Variants in OR2L13 observed in about 807,000 individuals in gnomAD.
OR2L13 encodes the protein olfactory receptor 2L13.
In OR2L13, 14 loss-of-function variants were observed where a neutral mutation model predicts 15.3. The observed-to-expected ratio is 0.91, with a 90% CI of 0.60 to 1.43. OR2L13 has a LOEUF of 1.43. Ranked by LOEUF, OR2L13 falls within the 40% of genes most tolerant of loss-of-function variation. The probability of loss-of-function intolerance (pLI) is 0.00; values close to 1 mark genes in which losing one functional copy is unlikely to be tolerated. For synonymous variants in OR2L13, 152 were observed against 142.9 expected (o/e 1.06, Z -0.45); for missense variants, 367 against 387.9 (o/e 0.95, Z 0.45).
At chr1:247,965,496 A>G in the OR2L13 span, 3 of 1,613,648 alleles carry the variant, frequency 1.9e-6, no homozygotes, top group Non-Finnish European at 2.5e-6. Flanking sequence ...TTGCTCTGAC[A>G]GGAAATATCA....
chr1:247,942,521 C>A, the OR2L13 span, among the ~76,000 whole-genome samples: 4 of 151,944 alleles, frequency 2.6e-5, no homozygotes, highest in East Asian at 7.7e-4. Context: ...TAGTCTTAAT[C>A]CCAGTCTCTT....
chr1:248,000,457 A>G, the OR2L13 span, among the ~76,000 whole-genome samples: 1 of 152,182 alleles, frequency 6.6e-6, no homozygotes, highest in Admixed American at 6.5e-5. Context: ...TCACTAAATT[A>G]GAGTACTTTC....
chr1:247,963,827 A>AT, the OR2L13 span, among the ~76,000 whole-genome samples: 1 of 152,090 alleles, frequency 6.6e-6, no homozygotes, highest in South Asian at 2.1e-4. Flanking sequence ...ACCATATATT[A>AT]TTTTTATTAA....
the OR2L13 span, among the ~76,000 whole-genome samples, chr1:247,986,937 G>A: frequency 3.7e-4 from 56 of 152,154 alleles, no homozygotes; most frequent in Middle Eastern, 6.8e-3. Context: ...ATAAATACAG[G>A]ATATATTTCC....
the OR2L13 span, among the ~76,000 whole-genome samples, chr1:248,059,041 C>G: frequency 6.6e-6 from 1 of 152,190 alleles, no homozygotes; most frequent in Non-Finnish European, 1.5e-5. Flanking sequence ...CGTAACATAT[C>G]ATACATCTCT....
the OR2L13 span, chr1:248,022,871 C>T: frequency 7.5e-6 from 12 of 1,607,044 alleles, no homozygotes; most frequent in East Asian, 8.9e-5. Context: ...AGAATATCTT[C>T]TCGGTGAAAA....
chr1:248,004,435 G>T, the OR2L13 span, among the ~76,000 whole-genome samples: 2 of 151,998 alleles, frequency 1.3e-5, no homozygotes, highest in Non-Finnish European at 2.9e-5. Context: ...TTACATTTTT[G>T]TTTATGTCTA....
chr1:248,025,308 C>T, the OR2L13 span, among the ~76,000 whole-genome samples: 2 of 147,408 alleles, frequency 1.4e-5, no homozygotes, highest in Non-Finnish European at 3.0e-5. Flanking sequence ...AGACACTTCT[C>T]AAAAGAAGAC....
chr1:247,950,275 A>C, the OR2L13 span, among the ~76,000 whole-genome samples: 1 of 152,128 alleles, frequency 6.6e-6, no homozygotes, highest in African/African-American at 2.4e-5. Flanking sequence ...CTTTCAATTT[A>C]GGGGGACTTA....
At chr1:247,953,677 T>C in the OR2L13 span, among the ~76,000 whole-genome samples, 1 of 152,326 alleles carries the variant, frequency 6.6e-6, no homozygotes, top group African/African-American at 2.4e-5. Context: ...GAAGAGGTTA[T>C]CTGACCTGTC....
the OR2L13 span, among the ~76,000 whole-genome samples, chr1:247,955,726 G>A: frequency 6.8e-6 from 1 of 147,858 alleles, no homozygotes; most frequent in Non-Finnish European, 1.5e-5. Context: ...TTTTCTTTTG[G>A]CTGCATAAAT....
the OR2L13 span, among the ~76,000 whole-genome samples, chr1:247,938,748 C>T: frequency 6.6e-6 from 1 of 152,062 alleles, no homozygotes; most frequent in Non-Finnish European, 1.5e-5. Flanking sequence ...GTAAAGCATA[C>T]TTGGATGAAA....
chr1:248,038,744 A>G, the OR2L13 span: 34 of 1,614,074 alleles, frequency 2.1e-5, 1 homozygote, highest in East Asian at 7.1e-4. Flanking sequence ...GTGCTCACAC[A>G]GTATATGCAC....
the OR2L13 span, among the ~76,000 whole-genome samples, chr1:248,071,122 T>C: frequency 2.0e-5 from 3 of 152,152 alleles, no homozygotes; most frequent in Non-Finnish European, 2.9e-5. Flanking sequence ...CCTAACTCAT[T>C]TTATGAGGCC....
the OR2L13 span, among the ~76,000 whole-genome samples, chr1:248,002,273 G>A: frequency 1.1e-4 from 17 of 152,236 alleles, 1 homozygote; most frequent in South Asian, 2.1e-3. Flanking sequence ...ATATACATAA[G>A]AGAAACACCA....
At chr1:248,088,198 T>C in the OR2L13 span, among the ~76,000 whole-genome samples, 4 of 152,100 alleles carry the variant, frequency 2.6e-5, no homozygotes, top group Admixed American at 6.5e-5. Context: ...TTCTTAAAGG[T>C]TGAGGAACAT....
the OR2L13 span, among the ~76,000 whole-genome samples, chr1:247,997,286 C>T: frequency 6.6e-6 from 1 of 151,962 alleles, no homozygotes; most frequent in African/African-American, 2.4e-5. Context: ...ACACTTAAAG[C>T]ACTCTACTGA....
chr1:248,003,047 A>G, the OR2L13 span: 1 of 759,480 alleles, frequency 1.3e-6, no homozygotes, highest in East Asian at 2.5e-5. Flanking sequence ...TGGTCTATTC[A>G]GGGATTGAAA....
At chr1:248,092,966 A>C (rs1012199380), upstream of OR2L13, among the ~76,000 whole-genome samples, 2 of 152,146 alleles carry the variant, frequency 1.3e-5, no homozygotes, top group African/African-American at 4.8e-5. Flanking sequence ...TGGAAATGGA[A>C]ATGTAAAAAG....
Sources: allele counts gnomAD v4.1 joint callset (sites outside exome capture counted in the v4.1 genomes callset), GRCh38; gene constraint gnomAD v4.1.1; transcripts MANE v1.5; gene names NCBI Gene and HGNC (gene_info 2026-07-23, HGNC 2026-07-21).